The following CMTM1 variants were observed in gnomAD, a reference collection of about 807,000 sequenced individuals.
CMTM1 encodes the protein CKLF-like MARVEL transmembrane domain-containing protein 1.
A neutral mutation model predicts 17.8 loss-of-function variants in CMTM1; 16 were observed. That is an observed-to-expected ratio of 0.90 (90% confidence interval 0.61 to 1.37). The LOEUF is 1.37. Ranked by LOEUF, CMTM1 falls within the 40% of genes most tolerant of loss-of-function variation. The pLI is 0.00. For synonymous variants in CMTM1, 169 were observed against 154.6 expected (o/e 1.09, Z -0.69); for missense variants, 354 against 375.6 (o/e 0.94, Z 0.47).
At chr16:66,576,125 G>T (rs372596415) in intron 2 of CMTM1, among the ~76,000 whole-genome samples, 4 of 152,148 alleles carry the variant, frequency 2.6e-5, no homozygotes, top group Non-Finnish European at 2.9e-5. Context: ...GGCCGGGCGC[G>T]GTGGCTCACG....
intron 1 of CMTM1, among the ~76,000 whole-genome samples, chr16:66,567,705 C>G (rs1567371134): frequency 6.6e-6 from 1 of 151,910 alleles, no homozygotes; most frequent in Non-Finnish European, 1.5e-5. Context: ...AATTGATAAG[C>G]CATTGGCCAA....
intron 2 of CMTM1, among the ~76,000 whole-genome samples, chr16:66,573,175 C>T (rs1375570626): frequency 6.6e-6 from 1 of 152,162 alleles, no homozygotes; most frequent in Non-Finnish European, 1.5e-5. Context: ...CATGTGAACT[C>T]ACAGAATAAA....
intron 1 of CMTM1, among the ~76,000 whole-genome samples, chr16:66,568,614 C>T (rs988994937): frequency 2.6e-5 from 4 of 152,120 alleles, no homozygotes; most frequent in African/African-American, 9.7e-5. Flanking sequence ...TGGCCAGGCG[C>T]AGTGACTCAC....
chr16:66,578,553 G>A (rs2144691781), intron 3 of CMTM1, among the ~76,000 whole-genome samples: 1 of 152,230 alleles, frequency 6.6e-6, no homozygotes, highest in East Asian at 1.9e-4. Context: ...AGCCACCTAG[G>A]GCCACTGCCC....
At position 66,570,936 on chromosome 16, in the gene CMTM1, T is replaced by C. The variant is rs537517014; in HGVS notation, c.591+842T>C. Among the ~76,000 whole-genome samples the C allele has an allele frequency of 3.9e-5, 6 of 152,356 alleles. No homozygotes were observed. In the South Asian group the frequency reaches 1.2e-3, roughly 32 times the overall value. ...ACAGCCACCCATCAGACCCATCAGA[T>C]AGCTGGGTGGCGTTTGCCATTCTGT... On this transcript the variant is annotated intron_variant, in intron 2 of 3. Transcript: ENST00000379500.
intron 2 of CMTM1, among the ~76,000 whole-genome samples, chr16:66,573,123 G>A (rs2013781873): frequency 1.3e-5 from 2 of 152,180 alleles, no homozygotes; most frequent in African/African-American, 4.8e-5. Flanking sequence ...CTATGTTAGG[G>A]CCTATGAGGT....
At chr16:66,576,981 T>A in intron 2 of CMTM1, 123 bp from the exon 3 acceptor site, 2 of 784,426 alleles carry the variant, frequency 2.5e-6, no homozygotes, top group Non-Finnish European at 4.0e-6. Flanking sequence ...AGGTTCCTCC[T>A]CATCTTAATC....
chr16:66,570,093 T>C lies in CMTM1; in HGVS notation c.590T>C (p.Leu197Pro). The change falls in exon 2 of 4, where the codon CTT becomes CCT. Residue 197 changes from leucine (L) to proline (P), a missense_variant and splice_region_variant. Coordinates refer to ENST00000379500, the MANE Select transcript of CMTM1 (RefSeq NM_052999.4). ...CTGACCTATTTACATTGGCCCTTAC[T>C]TGTAAGTGTTCATTTTTACAATTCT... ...HLLTYLHWPL[L>P]DLTNSIITAV... The C allele has an allele frequency of 6.3e-7, 1 of 1,581,312 alleles. No homozygotes were observed. Among genetic ancestry groups the C allele is most frequent in the Non-Finnish European group, 8.6e-7 (1 of 1,166,508 alleles).
intron 1 of CMTM1, 149 bp from the exon 2 acceptor site, chr16:66,569,787 A>C (rs1446882672): frequency 5.3e-6 from 3 of 567,540 alleles, no homozygotes; most frequent in Non-Finnish European, 9.0e-6. Context: ...ATTTTCATGT[A>C]TTTCATTTCT....
chr16:66,567,181 A>AACTT (rs2012642857), intron 1 of CMTM1: 4 of 589,650 alleles, frequency 6.8e-6, no homozygotes, highest in African/African-American at 6.5e-5. Context: ...ATTATACTTT[A>AACTT]ACTTACGGGG....
At chr16:66,571,907 C>T (rs575350901) in intron 2 of CMTM1, among the ~76,000 whole-genome samples, 1 of 152,322 alleles carries the variant, frequency 6.6e-6, no homozygotes, top group East Asian at 1.9e-4. Context: ...TGAGCATGAA[C>T]CGTGAGTGTC....
rs201033794 is a variant in CMTM1, at chr16:66,569,817, A to G, written c.433-119A>G. The G allele has an allele frequency of 8.8e-4, 562 of 641,750 alleles. 9 individuals carry two copies. In the South Asian group the frequency reaches 0.014, roughly 16 times the overall value. 39.8% of individuals were successfully genotyped at this position (641,750 alleles called of 1,614,324 possible). ...ATTTCTTCAAAATGTAAGAAATGTT[A>G]AAAATGTATGTGCAAAACAATACAG... On this transcript the variant is annotated intron_variant, in intron 1 of 3. Coordinates refer to ENST00000379500, the MANE Select transcript of CMTM1 (RefSeq NM_052999.4).
intron 1 of CMTM1, among the ~76,000 whole-genome samples, chr16:66,569,009 G>C (rs2013079196): frequency 6.6e-6 from 1 of 152,060 alleles, no homozygotes; most frequent in East Asian, 1.9e-4. Flanking sequence ...ACTCGTTATT[G>C]TGTTAATAAA....
chr16:66,567,015 G>T (rs749705163), intron 1 of CMTM1, 70 bp downstream of exon 1: 4 of 1,520,266 alleles, frequency 2.6e-6, no homozygotes, highest in Non-Finnish European at 2.7e-6. Context: ...AATGCCCACG[G>T]GGTGCCAGCT....
chr16:66,567,322 A>G (rs1227658366), intron 1 of CMTM1: 3 of 332,484 alleles, frequency 9.0e-6, no homozygotes, highest in African/African-American at 4.3e-5. Context: ...CCCACTCCCT[A>G]CAGGCCCCAG....
intron 1 of CMTM1, among the ~76,000 whole-genome samples, chr16:66,569,437 A>G (rs1283326569): frequency 1.3e-5 from 2 of 152,228 alleles, no homozygotes; most frequent in Non-Finnish European, 2.9e-5. Context: ...CACCAATTCA[A>G]TGGAAGAGAA....
chr16:66,571,572 T>G (rs184412452), intron 2 of CMTM1, among the ~76,000 whole-genome samples: 506 of 152,340 alleles, frequency 3.3e-3, no homozygotes, highest in African/African-American at 0.011. Context: ...GGTAAGAAAC[T>G]CAGTGAAACT....
In CMTM1 at chr16:66,567,013, C is replaced by T. The variant is rs780502849; in HGVS notation, c.432+68C>T. The stretch of plus-strand genomic sequence containing the variant: ...GGCAGTGGCCTCGGGGAAATGCCCA[C>T]GGGGTGCCAGCTCCAGAAACCTTCC... On this transcript the variant is annotated intron_variant, in intron 1 of 3. Transcript: ENST00000379500. 36 of 1,528,368 alleles carry T rather than the reference C, an allele frequency of 2.4e-5. No homozygotes were observed. The African/African-American group carries it at 3.3e-4, about 14-fold the overall frequency. The allele number at this position is 1,528,368 out of a possible 1,614,324, so 94.7% of individuals were successfully genotyped here.
intron 2 of CMTM1, among the ~76,000 whole-genome samples, chr16:66,573,651 A>G (rs1209970945): frequency 1.4e-5 from 2 of 147,996 alleles, no homozygotes; most frequent in Non-Finnish European, 3.0e-5. Flanking sequence ...CAAATACTAC[A>G]TTTTGTGAAA....
Sources: allele counts gnomAD v4.1 joint callset (sites outside exome capture counted in the v4.1 genomes callset), GRCh38; gene constraint gnomAD v4.1.1; transcripts MANE v1.5; gene names NCBI Gene and HGNC (gene_info 2026-07-23, HGNC 2026-07-21).